The following GABRB3 variants were observed in gnomAD, a reference collection of about 807,000 sequenced individuals.
GABRB3 encodes gamma-aminobutyric acid receptor subunit beta-3.
Under a neutral mutation model 52.1 loss-of-function variants are expected in GABRB3, and 14 were observed. The ratio of observed to expected loss-of-function variants is 0.27; its 90% CI spans 0.18 to 0.42. GABRB3 has a LOEUF of 0.42. Among genes scored for constraint, GABRB3 ranks in the 10% least tolerant of loss-of-function variants. GABRB3 has a pLI of 1.00. For missense variants in GABRB3, 307 were observed against 609.1 expected (o/e 0.50, Z 5.22); for synonymous variants, 260 against 232.3 (o/e 1.12, Z -1.08).
intron 4 of GABRB3, among the ~76,000 whole-genome samples, chr15:26,587,338 G>C (rs149434992): frequency 1.2e-4 from 18 of 152,314 alleles, no homozygotes; most frequent in Non-Finnish European, 2.1e-4. Context: ...AGAGTGAAGA[G>C]TGAGGCACAT....
intron 6 of GABRB3, 97 bp from the exon 7 acceptor site, chr15:26,567,830 A>G (rs1595446067): frequency 8.1e-7 from 1 of 1,235,536 alleles, no homozygotes; most frequent in East Asian, 2.4e-5. Flanking sequence ...GCAATGGAAA[A>G]GTCTGCGAAT....
At chr15:26,615,913 T>C in intron 4 of GABRB3, 3 of 1,280,408 alleles carry the variant, frequency 2.3e-6, no homozygotes, top group Non-Finnish European at 3.0e-6. Flanking sequence ...AGGAAAGCAA[T>C]CTCTGCTGGG....
intron 3 of GABRB3, among the ~76,000 whole-genome samples, chr15:26,676,358 A>C (rs2140640097): frequency 6.6e-6 from 1 of 152,246 alleles, no homozygotes; most frequent in Middle Eastern, 3.4e-3. Flanking sequence ...GGCTCAGGGC[A>C]TTGTCCATCA....
chr15:26,738,762 G>A (rs929091857), intron 3 of GABRB3, among the ~76,000 whole-genome samples: 2 of 152,116 alleles, frequency 1.3e-5, no homozygotes, highest in Non-Finnish European at 2.9e-5. Flanking sequence ...CACTTTCCAG[G>A]AGGACCAGGG....
intron 3 of GABRB3, among the ~76,000 whole-genome samples, chr15:26,699,166 C>T (rs984715001): frequency 1.3e-5 from 2 of 152,088 alleles, no homozygotes; most frequent in African/African-American, 4.8e-5. Flanking sequence ...GAACTGGGAA[C>T]AGTATCTGTT....
intron 3 of GABRB3, among the ~76,000 whole-genome samples, chr15:26,673,570 C>T (rs544899918): frequency 6.6e-6 from 1 of 152,318 alleles, no homozygotes; most frequent in African/African-American, 2.4e-5. Flanking sequence ...AATTACTCTT[C>T]CATTCTTAGC....
At chr15:26,594,183 CT>C (rs1891312259) in intron 4 of GABRB3, among the ~76,000 whole-genome samples, 1 of 151,378 alleles carries the variant, frequency 6.6e-6, no homozygotes, top group South Asian at 2.1e-4. Context: ...TATTTAAAGT[CT>C]TTATCAAGTA....
chr15:26,691,063 C>T (rs916087197), intron 3 of GABRB3, among the ~76,000 whole-genome samples: 7 of 151,684 alleles, frequency 4.6e-5, no homozygotes, highest in African/African-American at 1.5e-4. Flanking sequence ...CCTCCTCTCC[C>T]TCCCCTTCTT....
chr15:26,646,073 C>A (rs1893340322), intron 3 of GABRB3, among the ~76,000 whole-genome samples: 1 of 151,964 alleles, frequency 6.6e-6, no homozygotes, highest in Admixed American at 6.5e-5. Flanking sequence ...ATAATTTACA[C>A]ACCAAAAATT....
At chr15:26,769,774 CCT>C (rs1177711218) in intron 3 of GABRB3, among the ~76,000 whole-genome samples, 5 of 152,186 alleles carry the variant, frequency 3.3e-5, no homozygotes, top group African/African-American at 9.6e-5. Context: ...CTCCTCCCTC[CCT>C]CTCTGTTCTG....
intron 4 of GABRB3, among the ~76,000 whole-genome samples, chr15:26,590,648 T>G (rs558175662): frequency 6.6e-6 from 1 of 152,376 alleles, no homozygotes; most frequent in East Asian, 1.9e-4. Flanking sequence ...TCCCGATTTT[T>G]GTTTTACTTT....
chr15:26,580,682 G>A (rs1164518421), intron 5 of GABRB3: 12 of 618,724 alleles, frequency 1.9e-5, no homozygotes, highest in Non-Finnish European at 2.9e-5. Context: ...TCGAGAGGCT[G>A]GGGAGAATGG....
chr15:26,684,107 C>G (rs556079097), intron 3 of GABRB3, among the ~76,000 whole-genome samples: 2 of 152,216 alleles, frequency 1.3e-5, no homozygotes, highest in East Asian at 1.9e-4. Flanking sequence ...GACTGACTTA[C>G]CAAATGAACA....
intron 3 of GABRB3, among the ~76,000 whole-genome samples, chr15:26,726,619 T>C (rs1889778902): frequency 1.3e-5 from 2 of 152,316 alleles, no homozygotes; most frequent in South Asian, 4.1e-4. Flanking sequence ...TTCCTCGTGA[T>C]TCAATTCAAG....
intron 4 of GABRB3, among the ~76,000 whole-genome samples, 181 bp from the exon 5 acceptor site, chr15:26,583,595 T>C (rs1274826065): frequency 6.6e-6 from 1 of 151,728 alleles, no homozygotes; most frequent in Non-Finnish European, 1.5e-5. Context: ...CAGCATAATA[T>C]AGACCAGATT....
chr15:26,665,997 A>G (rs11161328), intron 3 of GABRB3, among the ~76,000 whole-genome samples: 46,568 of 152,054 alleles, frequency 0.31, 8,613 homozygotes, highest in East Asian at 0.88. Context: ...AGATAATCCA[A>G]AGTAGAAACC....
At chr15:26,654,777 G>A (rs542051674) in intron 3 of GABRB3, among the ~76,000 whole-genome samples, 11 of 152,094 alleles carry the variant, frequency 7.2e-5, no homozygotes, top group African/African-American at 2.4e-4. Context: ...AGGGGAGGGA[G>A]GTTCAATTTC....
chr15:26,671,586 T>C (rs1887899150), intron 3 of GABRB3, among the ~76,000 whole-genome samples: 1 of 152,244 alleles, frequency 6.6e-6, no homozygotes, highest in African/African-American at 2.4e-5. Flanking sequence ...GTGTGCTTTA[T>C]AAATGCTGGG....
chr15:26,677,849 G>T (rs1017423234), intron 3 of GABRB3, among the ~76,000 whole-genome samples: 1 of 152,122 alleles, frequency 6.6e-6, no homozygotes, highest in Admixed American at 6.5e-5. Context: ...AACTAAAACT[G>T]TCCTCCCAAT....
Sources: gnomAD v4.1 joint callset for allele counts (sites outside exome capture counted in the v4.1 genomes callset) on GRCh38, gnomAD v4.1.1 for gene constraint, MANE v1.5 for transcripts, NCBI Gene and HGNC (gene_info 2026-07-23, HGNC 2026-07-21) for gene names.